Variants in DOCK7 observed in about 807,000 individuals in gnomAD.
DOCK7 encodes the protein dedicator of cytokinesis protein 7.
A neutral mutation model predicts 271.0 loss-of-function variants in DOCK7; 138 were observed. That is an observed-to-expected ratio of 0.51 (90% CI 0.44 to 0.59). DOCK7 has a LOEUF of 0.59. Among genes scored for constraint, DOCK7 ranks in the 20% least tolerant of loss-of-function variants. The pLI is 0.00. For synonymous variants in DOCK7, 823 were observed against 876.1 expected (o/e 0.94, Z 1.07); for missense variants, 2,066 against 2,592.4 (o/e 0.80, Z 4.41).
chr1:62,633,589 CA>C lies in DOCK7; in HGVS notation c.1036-12del. Reference sequence around the variant, plus strand: ...TAGGACTTTTTCTAGCTGTCAAAGGCAAAAAAAGTTAAGATTAAGCTTTTAA... The same window carrying C: ...TAGGACTTTTTCTAGCTGTCAAAGGCAAAAAAGTTAAGATTAAGCTTTTAA... On this transcript the variant is annotated splice_polypyrimidine_tract_variant and intron_variant, in intron 9 of 49. Transcript: ENST00000635253. The C allele has an allele frequency of 4.4e-6, 7 of 1,596,540 alleles. No homozygotes were observed. The highest frequency in any genetic ancestry group is 4.3e-6 in the Non-Finnish European group (5 of 1,169,248).
At chr1:62,624,763 C>A (rs1434629582) in intron 12 of DOCK7, among the ~76,000 whole-genome samples, 1 of 152,124 alleles carries the variant, frequency 6.6e-6, no homozygotes, top group Non-Finnish European at 1.5e-5. Flanking sequence ...ATCATGAGGT[C>A]AGGAGTTCGA....
intron 4 of DOCK7, among the ~76,000 whole-genome samples, chr1:62,649,663 C>A (rs1657095463): frequency 6.6e-6 from 1 of 152,098 alleles, no homozygotes; most frequent in South Asian, 2.1e-4. Flanking sequence ...TCATCCTGTC[C>A]TCTAGTCTGT....
At chr1:62,627,542 G>A (rs773085568) in intron 11 of DOCK7, 4 of 151,984 alleles carry the variant, frequency 2.6e-5, no homozygotes, top group Non-Finnish European at 5.9e-5. Flanking sequence ...TTCAAAAAGG[G>A]TTCAGAGTAT....
chr1:62,569,168 G>A (rs910467267), intron 18 of DOCK7, among the ~76,000 whole-genome samples: 11 of 152,062 alleles, frequency 7.2e-5, no homozygotes, highest in East Asian at 1.9e-4. Context: ...GATACAAAGA[G>A]AGCTGGTACC....
chr1:62,533,692 TA>T (rs1335635547), intron 29 of DOCK7, among the ~76,000 whole-genome samples: 1 of 152,192 alleles, frequency 6.6e-6, no homozygotes, highest in Admixed American at 6.5e-5. Flanking sequence ...GTTGCCATTA[TA>T]AAAAACACAT....
intron 31 of DOCK7, among the ~76,000 whole-genome samples, chr1:62,519,635 G>A (rs545691806): frequency 7.2e-5 from 11 of 152,100 alleles, no homozygotes; most frequent in Non-Finnish European, 1.5e-4. Flanking sequence ...GATGACAGAA[G>A]GGAGAATGTA....
At chr1:62,669,993 A>G (rs532761229) in intron 1 of DOCK7, among the ~76,000 whole-genome samples, 101 of 152,370 alleles carry the variant, frequency 6.6e-4, no homozygotes, top group East Asian at 2.1e-3. Context: ...GCAGCCAGCC[A>G]GCCCTGCTGG....
rs761527184 is a variant in DOCK7 at position 62,513,832 on chromosome 1, C to T, written c.4003G>A (p.Val1335Ile). Reference sequence around the variant, plus strand: ...ACTGTTTCATCTGCATTTTTGAGAACCCAAAGTAGACAGATCAAAAGGCTT... The same window carrying T: ...ACTGTTTCATCTGCATTTTTGAGAATCCAAAGTAGACAGATCAAAAGGCTT... ...SRSLLICLLW[V>I]LKNADETVLQ... The change falls in exon 32 of 50, where the codon GTT (valine) becomes ATT (isoleucine). Residue 1335 changes from valine to isoleucine, a missense_variant. By Grantham distance (29) the Val-to-Ile change is conservative. This residue lies in a region of DOCK7 where 1,414 missense variants were observed against 1,670.4 expected (regional missense o/e 0.85). Coordinates refer to ENST00000635253, the MANE Select transcript of DOCK7 (RefSeq NM_001367561.1). 5.0e-6 allele frequency: 8 copies of T among 1,614,042 alleles called. No individual in the cohort carries two copies. The highest frequency in any genetic ancestry group is 6.8e-6 in the Non-Finnish European group (8 of 1,179,974).
Position 62,623,810 on chromosome 1 carries a change from T to C in DOCK7, c.1425+1449A>G, listed in dbSNP as rs114957558. On this transcript the variant is annotated intron_variant, in intron 12 of 49. Transcript: ENST00000635253. Reference sequence around the variant, plus strand: ...TTTGAGACATTTATCACTGGCTTTTTTTCCTGTGAGTTTCTCAGAGCAGAT... The same window carrying C: ...TTTGAGACATTTATCACTGGCTTTTCTTCCTGTGAGTTTCTCAGAGCAGAT... Among the ~76,000 whole-genome samples the C allele has an allele frequency of 7.3e-3, 1,113 of 152,330 alleles. 8 individuals are homozygous for C. Among genetic ancestry groups the C allele is most frequent in the Non-Finnish European group, 0.011 (774 of 68,020 alleles).
At chr1:62,515,788 T>C (rs1190989965) in intron 31 of DOCK7, among the ~76,000 whole-genome samples, 1 of 152,194 alleles carries the variant, frequency 6.6e-6, no homozygotes, top group East Asian at 1.9e-4. Flanking sequence ...CAAGGTGGGA[T>C]GTGGGGAGCA....
chr1:62,496,239 A>T (rs1646618145), intron 38 of DOCK7, 100 bp downstream of exon 38: 1 of 1,330,390 alleles, frequency 7.5e-7, no homozygotes, highest in Admixed American at 2.0e-5. Flanking sequence ...AATGAAATAA[A>T]TGATCCTCCA....
At chr1:62,513,398 A>G (rs749013665) in intron 33 of DOCK7, 46 bp downstream of exon 33, 4 of 1,530,722 alleles carry the variant, frequency 2.6e-6, no homozygotes, top group East Asian at 4.6e-5. Context: ...ACTAGCAACA[A>G]TGATCATTAC....
At chr1:62,680,109 G>C (rs1660948471) in intron 1 of DOCK7, among the ~76,000 whole-genome samples, 2 of 152,150 alleles carry the variant, frequency 1.3e-5, no homozygotes, top group African/African-American at 4.8e-5. Context: ...AACAAAGCTG[G>C]AGGCATCATG....
rs192989802 is a variant in DOCK7 at position 62,626,072 on chromosome 1, A to C, written c.1283-671T>G. On this transcript the variant is annotated intron_variant, in intron 11 of 49. Transcript: ENST00000635253. ...CAACAACAGAAGAATTAAACTATAA[A>C]TCAATAACAGAAGAAAATTTGGGGA... is the stretch of plus-strand genomic sequence containing the variant. Among the ~76,000 whole-genome samples the C allele has an allele frequency of 1.1e-3, 161 of 152,328 alleles. 3 individuals are homozygous for C. The South Asian group carries it at 0.019, about 18-fold the overall frequency.
intron 1 of DOCK7, among the ~76,000 whole-genome samples, chr1:62,667,148 T>C (rs1374581655): frequency 6.6e-6 from 1 of 152,188 alleles, no homozygotes; most frequent in African/African-American, 2.4e-5. Context: ...GGCCAATCTG[T>C]GCCTGCCTCT....
Position 62,505,733 on chromosome 1 carries a change from A to G in DOCK7, c.4560T>C (p.Ser1520=), listed in dbSNP as rs776333184. Residue 1520 remains serine, a synonymous_variant, in exon 36 of 50, where the codon AGT becomes AGC. Coordinates refer to ENST00000635253, the MANE Select transcript of DOCK7 (RefSeq NM_001367561.1). The part of the protein sequence containing the change: ...VLLHSMACNQ[S]AVYLQHCFAT... ...CAAAACAGTGTTGTAGATAAACTGC[A>G]CTTTGGTTACAGGCCATGCTGTGTA... 5.6e-6 allele frequency: 9 copies of G among 1,613,698 alleles called. No homozygotes were observed. Among genetic ancestry groups the G allele is most frequent in the Non-Finnish European group, 5.1e-6 (6 of 1,179,796 alleles).
chr1:62,652,348 C>T (rs1657490957), intron 4 of DOCK7, among the ~76,000 whole-genome samples: 2 of 152,052 alleles, frequency 1.3e-5, no homozygotes, highest in Admixed American at 1.3e-4. Context: ...AAAGTACTCC[C>T]TTTGGTCTTC....
chr1:62,626,927 T>C (rs1654027589), intron 11 of DOCK7, among the ~76,000 whole-genome samples: 1 of 151,502 alleles, frequency 6.6e-6, no homozygotes, highest in Non-Finnish European at 1.5e-5. Context: ...CCAGACAGAG[T>C]CATCAAAAGA....
intron 14 of DOCK7, among the ~76,000 whole-genome samples, chr1:62,595,319 T>C (rs925577012): frequency 1.3e-5 from 2 of 152,232 alleles, no homozygotes; most frequent in African/African-American, 4.8e-5. Flanking sequence ...GTAGTGTTTA[T>C]GATACATCAG....
Sources: allele counts gnomAD v4.1 joint callset (sites outside exome capture counted in the v4.1 genomes callset), GRCh38; gene constraint gnomAD v4.1.1; regional missense constraint gnomAD v4.1.1; transcripts MANE v1.5; gene names NCBI Gene and HGNC (gene_info 2026-07-23, HGNC 2026-07-21).